Variants in ERBB4 observed in about 807,000 individuals in gnomAD.
The protein encoded by ERBB4 is receptor tyrosine-protein kinase erbB-4.
In ERBB4, 42 loss-of-function variants were observed where a neutral mutation model predicts 158.0. That is an observed-to-expected ratio of 0.27 (90% CI 0.21 to 0.34). The LOEUF is 0.34. Ranked by LOEUF, ERBB4 falls within the 10% of genes least tolerant of loss-of-function variation. The probability of loss-of-function intolerance (pLI) is 1.00; values close to 1 mark genes in which losing one functional copy is unlikely to be tolerated. For missense variants in ERBB4, 1,333 were observed against 1,624.1 expected, an observed-to-expected ratio of 0.82 and a Z score of 3.08; for synonymous variants, 583 against 558.7, an observed-to-expected ratio of 1.04 and a Z score of -0.61.
At chr2:211,863,562 C>G (rs866096781) in intron 3 of ERBB4, among the ~76,000 whole-genome samples, 2 of 152,248 alleles carry the variant, frequency 1.3e-5, no homozygotes, top group Non-Finnish European at 2.9e-5. Context: ...ACAAACTACT[C>G]CAGACGTGCC....
intron 15 of ERBB4, among the ~76,000 whole-genome samples, chr2:211,663,573 T>G (rs6732128): frequency 0.21 from 31,202 of 151,974 alleles, 3,387 homozygotes; most frequent in Admixed American, 0.23. Flanking sequence ...CTCATATTTC[T>G]ACTTCCCCCA....
At chr2:211,456,867 T>G (rs1404929023) in intron 20 of ERBB4, among the ~76,000 whole-genome samples, 1 of 152,188 alleles carries the variant, frequency 6.6e-6, no homozygotes, top group Non-Finnish European at 1.5e-5. Flanking sequence ...CAGGCAGTAA[T>G]GCTCACTTGC....
intron 25 of ERBB4, among the ~76,000 whole-genome samples, chr2:211,392,038 C>T (rs2062809175): frequency 6.6e-6 from 1 of 152,056 alleles, no homozygotes; most frequent in South Asian, 2.1e-4. Flanking sequence ...AATAAAATGT[C>T]TCTGTAAGAC....
At chr2:211,504,888 C>T (rs2065706755) in intron 20 of ERBB4, among the ~76,000 whole-genome samples, 1 of 151,904 alleles carries the variant, frequency 6.6e-6, no homozygotes, top group South Asian at 2.1e-4. Flanking sequence ...TCAAATCAAC[C>T]CAGCTAGACA....
At chr2:211,567,436 A>G (rs2067583033) in intron 19 of ERBB4, among the ~76,000 whole-genome samples, 1 of 152,190 alleles carries the variant, frequency 6.6e-6, no homozygotes, top group Non-Finnish European at 1.5e-5. Flanking sequence ...TCATCACTTT[A>G]CAATGTTTTC....
intron 1 of ERBB4, among the ~76,000 whole-genome samples, chr2:212,363,243 T>C (rs1191237777): frequency 6.6e-6 from 1 of 151,438 alleles, no homozygotes; most frequent in Non-Finnish European, 1.5e-5. Flanking sequence ...AAATATACAA[T>C]ATAAAATCAA....
chr2:212,348,109 TAACTTTCCTCCA>T (rs1424924786), intron 1 of ERBB4, among the ~76,000 whole-genome samples: 5 of 152,124 alleles, frequency 3.3e-5, no homozygotes, highest in African/African-American at 1.2e-4. Flanking sequence ...TATAATCAAG[TAACTTTCCTCCA>T]AAAATGTCAC....
intron 1 of ERBB4, among the ~76,000 whole-genome samples, chr2:212,258,395 A>G (rs976185593): frequency 7.2e-5 from 11 of 151,734 alleles, no homozygotes; most frequent in African/African-American, 2.7e-4. Context: ...TTTAACAACA[A>G]TAACGAAAAA....
intron 16 of ERBB4, among the ~76,000 whole-genome samples, chr2:211,655,128 A>G (rs1030303674): frequency 1.3e-5 from 2 of 152,194 alleles, no homozygotes; most frequent in Admixed American, 6.5e-5. Context: ...CTGCCTCTAC[A>G]TATCAGCCAA....
Position 212,333,458 on chromosome 2 carries a change from T to C in ERBB4, c.82+204991A>G, listed in dbSNP as rs1025256255. On this transcript the variant is annotated intron_variant, in intron 1 of 27. Coordinates refer to ENST00000342788, the MANE Select transcript of ERBB4 (RefSeq NM_005235.3). ...CTTTGGGAGGCCAAGGCAGGAGAAC[T>C]GCTCGAGCCCAGGAGTTTGAGACCA... Among the ~76,000 whole-genome samples, 5 of 151,214 alleles carry C rather than the reference T, an allele frequency of 3.3e-5. No individual in the cohort carries two copies. In the East Asian group the frequency reaches 5.9e-4, roughly 18 times the overall value.
chr2:212,513,814 A>AAAT (rs1553656326), intron 1 of ERBB4, among the ~76,000 whole-genome samples: 1 of 151,778 alleles, frequency 6.6e-6, no homozygotes, highest in East Asian at 1.9e-4. Flanking sequence ...TCCGTCTCAA[A>AAAT]AAATAAATAA....
At chr2:211,613,372 G>C (rs1258334934) in intron 19 of ERBB4, among the ~76,000 whole-genome samples, 3 of 148,558 alleles carry the variant, frequency 2.0e-5, no homozygotes, top group Non-Finnish European at 4.4e-5. Context: ...GTCAGTGAAA[G>C]GAAAATGAAC....
rs1438131008 is a variant in ERBB4 at position 211,443,729 on chromosome 2, G to A, written c.2488-12629C>T. Among the ~76,000 whole-genome samples, 5 of 151,988 alleles carry A rather than the reference G, an allele frequency of 3.3e-5. 1 individual carries two copies. Among genetic ancestry groups the A allele is most frequent in the African/African-American group, 9.6e-5 (4 of 41,474 alleles). On this transcript the variant is annotated intron_variant, in intron 20 of 27. Transcript: ENST00000342788. Reference sequence around the variant, plus strand: ...TGCCACTAACTATATGCAGCCATAGGCACGTTAGACATGTTAGTTACTCAG... The same window carrying A: ...TGCCACTAACTATATGCAGCCATAGACACGTTAGACATGTTAGTTACTCAG...
rs185363451 is a variant in ERBB4, at chr2:211,877,293, T to G, written c.421+70137A>C. Reference sequence around the variant, plus strand: ...TTGGATGAGCAATTAGACAGAACTGTGGGGTCATAACATTCAGGAAGCCAG... The same window carrying G: ...TTGGATGAGCAATTAGACAGAACTGGGGGGTCATAACATTCAGGAAGCCAG... On this transcript the variant is annotated intron_variant, in intron 3 of 27. Transcript: ENST00000342788. Among the ~76,000 whole-genome samples, 160 of 152,332 alleles carry G rather than the reference T, an allele frequency of 1.1e-3. 1 individual carries two copies. Among genetic ancestry groups the G allele is most frequent in the Middle Eastern group, 0.01 (3 of 294 alleles).
chr2:212,397,175 T>C (rs1488440687), intron 1 of ERBB4, among the ~76,000 whole-genome samples: 2 of 152,054 alleles, frequency 1.3e-5, no homozygotes, highest in Non-Finnish European at 2.9e-5. Context: ...GAATGGCCTT[T>C]TAAAATACAT....
At chr2:212,432,360 G>A (rs984827836) in intron 1 of ERBB4, among the ~76,000 whole-genome samples, 2 of 152,068 alleles carry the variant, frequency 1.3e-5, no homozygotes, top group Non-Finnish European at 2.9e-5. Flanking sequence ...ATATATTACT[G>A]GTTGCAATTT....
intron 19 of ERBB4, among the ~76,000 whole-genome samples, chr2:211,584,306 AT>A (rs1265041508): frequency 6.6e-6 from 1 of 151,988 alleles, no homozygotes; most frequent in Admixed American, 6.6e-5. Context: ...TCATAGGTGC[AT>A]ATATATAATA....
At chr2:211,838,993 A>G (rs905293118) in intron 3 of ERBB4, among the ~76,000 whole-genome samples, 5 of 152,176 alleles carry the variant, frequency 3.3e-5, no homozygotes, top group African/African-American at 1.2e-4. Flanking sequence ...AAGTGTAGGT[A>G]ATTTTACTGT....
At chr2:212,186,430 G>A (rs544367634) in intron 1 of ERBB4, among the ~76,000 whole-genome samples, 76 of 152,238 alleles carry the variant, frequency 5.0e-4, no homozygotes, top group African/African-American at 1.7e-3. Context: ...CATTAAACTT[G>A]GCTAATTTTT....
Sources: gnomAD v4.1 joint callset for allele counts (sites outside exome capture counted in the v4.1 genomes callset) on GRCh38, gnomAD v4.1.1 for gene constraint, MANE v1.5 for transcripts, NCBI Gene and HGNC (gene_info 2026-07-23, HGNC 2026-07-21) for gene names.